Variants in TMEM127 observed in about 807,000 individuals in gnomAD.
TMEM127 encodes transmembrane protein 127.
TMEM127 carries 21 observed loss-of-function variants against 20.1 expected under a neutral mutation model. The observed-to-expected ratio is 1.04, with a 90% CI of 0.74 to 1.50. TMEM127 has a LOEUF of 1.50. Among genes scored for constraint, TMEM127 ranks in the 40% most tolerant of loss-of-function variants. TMEM127 has a pLI of 0.00. For missense variants in TMEM127, 303 were observed against 317.4 expected (o/e 0.95, Z 0.34); for synonymous variants, 150 against 144.7 (o/e 1.04, Z -0.26).
rs148799239 is a variant in TMEM127 at position 96,249,743 on chromosome 2, C to G, written c.*4065G>C. On this transcript the variant is annotated 3_prime_UTR_variant, in exon 4 of 4. Coordinates refer to ENST00000258439, the MANE Select transcript of TMEM127 (RefSeq NM_017849.4). ...AGTTTGTCAGTTCCCTTCTGTCTCCCCATAGCATCTGTGTTCCATTAGTGT... is the reference window on the plus strand; with the variant it reads ...AGTTTGTCAGTTCCCTTCTGTCTCCGCATAGCATCTGTGTTCCATTAGTGT... The G allele has an allele frequency of 6.7e-4, 156 of 233,192 alleles. 2 individuals are homozygous for G. Among genetic ancestry groups the G allele is most frequent in the South Asian group, 3.6e-4 (2 of 5,534 alleles). The allele number at this position is 233,192 out of a possible 1,614,324, so 14.4% of individuals were successfully genotyped here.
At position 96,248,819 on chromosome 2, in the gene TMEM127, G is replaced by A. The variant is rs146327128; in HGVS notation, c.*4989C>T. 1.6e-3 allele frequency: 371 copies of A among 232,070 alleles called. 1 individual carries two copies. The highest frequency in any genetic ancestry group is 7.1e-3 in the African/African-American group (324 of 45,344). The allele number at this position is 232,070 out of a possible 1,614,324, so 14.4% of individuals were successfully genotyped here. A position where few individuals can be genotyped will look rare whatever the true frequency, so the allele number is the denominator to read the frequency against. On this transcript the variant is annotated 3_prime_UTR_variant, in exon 4 of 4. Coordinates refer to ENST00000258439, the MANE Select transcript of TMEM127 (RefSeq NM_017849.4). ...ACCTGTACAACCCCTTAAGCCAGAC[G>A]GACTCACAGCTGTCTCTGGAAAGTT...
intron 2 of TMEM127, among the ~76,000 whole-genome samples, chr2:96,261,431 G>A (rs183685688): frequency 2.3e-4 from 35 of 152,282 alleles, no homozygotes; most frequent in Non-Finnish European, 4.4e-4. Context: ...TTACAGGAGT[G>A]AACCACCACA....
At chr2:96,258,417 G>C (rs1684252132) in intron 2 of TMEM127, among the ~76,000 whole-genome samples, 1 of 152,220 alleles carries the variant, frequency 6.6e-6, no homozygotes, top group South Asian at 2.1e-4. Flanking sequence ...GAGCCTCTAG[G>C]ATTGAGCACG....
intron 2 of TMEM127, among the ~76,000 whole-genome samples, chr2:96,263,283 T>A (rs1684347358): frequency 6.6e-6 from 1 of 151,832 alleles, no homozygotes; most frequent in East Asian, 1.9e-4. Flanking sequence ...GGTCTCCAAC[T>A]CTTGACCTCA....
chr2:96,259,448 G>A (rs1360614500), intron 2 of TMEM127, among the ~76,000 whole-genome samples: 1 of 152,228 alleles, frequency 6.6e-6, no homozygotes, highest in Non-Finnish European at 1.5e-5. Flanking sequence ...GGGGTCAGAA[G>A]CTAACAGGAA....
chr2:96,263,987 A>G (rs984184803), intron 2 of TMEM127, among the ~76,000 whole-genome samples: 9 of 152,194 alleles, frequency 5.9e-5, no homozygotes, highest in Non-Finnish European at 1.2e-4. Context: ...TAATGAGCCA[A>G]CCCAGCAAAG....
Position 96,254,130 on chromosome 2 carries a change from G to T in TMEM127, c.410-15C>A. On this transcript the variant is annotated splice_polypyrimidine_tract_variant and intron_variant, in intron 3 of 3. Transcript: ENST00000258439. ...ACACTGCAGAACTAGGAGACAGAGG[G>T]ACAGCACAGAAGGGGAATTAGTGAG... The T allele has an allele frequency of 1.2e-6, 2 of 1,612,882 alleles. No homozygotes were observed. The highest frequency in any genetic ancestry group is 1.7e-6 in the Non-Finnish European group (2 of 1,180,026).
In TMEM127 at chr2:96,251,072, G is replaced by A. The variant is rs1226984698; in HGVS notation, c.*2736C>T. 1.4e-5 allele frequency: 3 copies of A among 218,982 alleles called. No individual in the cohort carries two copies. The highest frequency in any genetic ancestry group is 2.7e-5 in the Non-Finnish European group (3 of 109,118). 13.6% of individuals were successfully genotyped at this position (218,982 alleles called of 1,614,324 possible). On this transcript the variant is annotated 3_prime_UTR_variant, in exon 4 of 4. Coordinates refer to ENST00000258439, the MANE Select transcript of TMEM127 (RefSeq NM_017849.4). ...ATGCAGCCTGAAGAGCTCAGGGTTT[G>A]AAGGTTGGGCCTTGGGCGGGAGTCA... is the stretch of plus-strand genomic sequence containing the variant.
At position 96,265,237 on chromosome 2, in the gene TMEM127, C is replaced by G; in HGVS notation, c.145G>C (p.Ala49Pro). 2 of 1,598,758 alleles carry G rather than the reference C, an allele frequency of 1.3e-6. No individual in the cohort carries two copies. Among genetic ancestry groups the G allele is most frequent in the Non-Finnish European group, 1.7e-6 (2 of 1,175,944 alleles). Reference protein sequence around the residue: ...LSITALCTALAEPAWLHIHGG... With the variant: ...LSITALCTALPEPAWLHIHGG... ...TGGATGTGCAACCAGGCGGGCTCGG[C>G]GAGGGCAGTGCACAGCGCCGTGATA... Residue 49 changes from alanine (A) to proline (P), a missense_variant, in exon 2 of 4, where the codon GCC becomes CCC. Coordinates refer to ENST00000258439, the MANE Select transcript of TMEM127 (RefSeq NM_017849.4).
At chr2:96,254,524 G>C (rs546341147) in intron 3 of TMEM127, among the ~76,000 whole-genome samples, 1 of 152,290 alleles carries the variant, frequency 6.6e-6, no homozygotes, top group East Asian at 1.9e-4. Flanking sequence ...AGACTGCCTG[G>C]TTCCTTCTTC....
chr2:96,252,782 G>A lies in TMEM127; in HGVS notation c.*1026C>T, dbSNP rs963910403. On this transcript the variant is annotated 3_prime_UTR_variant, in exon 4 of 4. Transcript: ENST00000258439. This position sits in a 1 kb window ranked among gnomAD's most constrained non-coding sequence, Gnocchi z 4.2. The stretch of plus-strand genomic sequence containing the variant: ...GTGCTGCAGTCCTGAGGAGCACCAC[G>A]CTGGCCCGCCAGCCAGGCCACAGTC... 4.3e-6 allele frequency: 1 copy of A among 233,900 alleles called. No homozygotes were observed. Among genetic ancestry groups the A allele is most frequent in the Non-Finnish European group, 8.5e-6 (1 of 118,200 alleles). The allele number at this position is 233,900 out of a possible 1,614,324, so 14.5% of individuals were successfully genotyped here.
intron 3 of TMEM127, among the ~76,000 whole-genome samples, chr2:96,254,540 T>C (rs930380679): frequency 6.6e-6 from 1 of 152,212 alleles, no homozygotes; most frequent in East Asian, 1.9e-4. Context: ...TCTTCACTCA[T>C]GTCAGGTCTG....
In TMEM127 at chr2:96,265,488, C is replaced by CGCT; in HGVS notation, c.-110_-108dup. 1.6e-6 allele frequency: 2 copies of CGCT among 1,260,390 alleles called. No homozygotes were observed. The highest frequency in any genetic ancestry group is 2.0e-6 in the Non-Finnish European group (2 of 1,003,558). The allele number at this position is 1,260,390 out of a possible 1,614,324, so 78.1% of individuals were successfully genotyped here. On this transcript the variant is annotated 5_prime_UTR_variant, in exon 2 of 4. Transcript: ENST00000258439. ...GTGGAGGATAGCAACGCTCCGGGTT[C>CGCT]GCTGCAGGTGAAGCCGGGACTGGGC...
At position 96,254,981 on chromosome 2, in the gene TMEM127, G is replaced by C. The variant is rs1447112240; in HGVS notation, c.261C>G (p.Pro87=). ...PDLLKDFCMN[P]QTVLLLRVIA... is the part of the protein sequence containing the mutation. ...TGACCCGCAGGAGCAGCACTGTCTG[G>C]GGATTCATGCAGAAATCTGTAGAGG... The change falls in exon 3 of 4, where the codon CCC becomes CCG. Residue 87 remains proline (P), a synonymous_variant. Coordinates refer to ENST00000258439, the MANE Select transcript of TMEM127 (RefSeq NM_017849.4). 6.2e-7 allele frequency: 1 copy of C among 1,614,196 alleles called. No homozygotes were observed. Among genetic ancestry groups the C allele is most frequent in the Non-Finnish European group, 8.5e-7 (1 of 1,180,034 alleles).
rs912034638 is a variant in TMEM127 at position 96,254,066 on chromosome 2, G to A, written c.459C>T (p.Leu153=). 6.2e-7 allele frequency: 1 copy of A among 1,614,156 alleles called. No homozygotes were observed. Among genetic ancestry groups the A allele is most frequent in the Non-Finnish European group, 8.5e-7 (1 of 1,180,034 alleles). The part of the protein sequence containing the change: ...VIGFSYWASE[L]ILAQQQQHKK... Reference sequence around the variant, plus strand: ...TATGCTGCTGCTGCTGGGCCAAGATGAGTTCAGAAGCCCAATAAGAAAAGC... The same window carrying A: ...TATGCTGCTGCTGCTGGGCCAAGATAAGTTCAGAAGCCCAATAAGAAAAGC... The change falls in exon 4 of 4, where the codon CTC becomes CTT. Residue 153 remains leucine (L), a synonymous_variant. Coordinates refer to ENST00000258439, the MANE Select transcript of TMEM127 (RefSeq NM_017849.4).
chr2:96,265,352 G>C lies in TMEM127; in HGVS notation c.30C>G (p.Pro10=), dbSNP rs963234474. Residue 10 remains proline, a synonymous_variant, in exon 2 of 4, where the codon CCC becomes CCG. Coordinates refer to ENST00000258439, the MANE Select transcript of TMEM127 (RefSeq NM_017849.4). MYAPGGAGL[P]GGRRRRSPGG... ...CCGGGCTCCTCCGCCGGCGCCCGCC[G>C]GGCAGCCCTGCGCCTCCGGGGGCGT... The C allele has an allele frequency of 2.1e-5, 31 of 1,499,290 alleles. No homozygotes were observed. The highest frequency in any genetic ancestry group is 6.2e-6 in the Non-Finnish European group (7 of 1,129,840). The allele number at this position is 1,499,290 out of a possible 1,614,324, so 92.9% of individuals were successfully genotyped here. A position where few individuals can be genotyped will look rare whatever the true frequency, so the allele number is the denominator to read the frequency against.
In TMEM127 at chr2:96,253,716, T is replaced by A. The variant is rs1249573762; in HGVS notation, c.*92A>T. On this transcript the variant is annotated 3_prime_UTR_variant, in exon 4 of 4. Transcript: ENST00000258439. The surrounding 1 kb of genome is among the most constrained non-coding windows in gnomAD (Gnocchi z 4.3). ...GAGAAGATGGTCAGGATCCTACCAG[T>A]GAGGCCTGCTGGGGAAAGGAGCTCC... 3.6e-6 allele frequency: 5 copies of A among 1,395,488 alleles called. No homozygotes were observed. Among genetic ancestry groups the A allele is most frequent in the Non-Finnish European group, 4.9e-6 (5 of 1,025,314 alleles). The allele number at this position is 1,395,488 out of a possible 1,614,324, so 86.4% of individuals were successfully genotyped here. A position where few individuals can be genotyped will look rare whatever the true frequency, so the allele number is the denominator to read the frequency against.
At chr2:96,262,284 CTA>C (rs1439365168) in intron 2 of TMEM127, among the ~76,000 whole-genome samples, 1 of 148,286 alleles carries the variant, frequency 6.7e-6, no homozygotes, top group East Asian at 2.0e-4. Context: ...AAAAAAAACT[CTA>C]TATGCACCAC....
At position 96,253,306 on chromosome 2, in the gene TMEM127, G is replaced by A. The variant is rs191970829; in HGVS notation, c.*502C>T. On this transcript the variant is annotated 3_prime_UTR_variant, in exon 4 of 4. Transcript: ENST00000258439. This position sits in a 1 kb window ranked among gnomAD's most constrained non-coding sequence, Gnocchi z 4.3. ...AAGAGTAAAGTGCACAGAACTCCCC[G>A]GAGCAGGTGGCCTGGGGGCGGGTCA... The A allele has an allele frequency of 1.0e-3, 252 of 242,418 alleles. No individual in the cohort carries two copies. Among genetic ancestry groups the A allele is most frequent in the East Asian group, 3.9e-3 (66 of 16,862 alleles). 15.0% of individuals were successfully genotyped at this position (242,418 alleles called of 1,614,324 possible). A position where few individuals can be genotyped will look rare whatever the true frequency, so the allele number is the denominator to read the frequency against.
Sources: gnomAD v4.1 joint callset for allele counts (sites outside exome capture counted in the v4.1 genomes callset) on GRCh38, gnomAD v4.1.1 for gene constraint, Gnocchi (gnomAD v3.1) non-coding constraint, MANE v1.5 for transcripts, NCBI Gene and HGNC (gene_info 2026-07-23, HGNC 2026-07-21) for gene names.